CNTNAP4: variants seen among roughly 807,000 people sequenced by gnomAD.
CNTNAP4 encodes contactin-associated protein-like 4.
A neutral mutation model predicts 148.4 loss-of-function variants in CNTNAP4; 98 were observed. The observed-to-expected ratio is 0.66, with a 90% CI of 0.56 to 0.78. CNTNAP4 has a LOEUF of 0.78. Ranked by LOEUF, CNTNAP4 falls within the 30% of genes least tolerant of loss-of-function variation. The pLI, the probability that CNTNAP4 is intolerant of heterozygous loss-of-function variation, is 0.00. For missense variants in CNTNAP4, 1,935 were observed against 1,565.6 expected, an observed-to-expected ratio of 1.24 and a Z score of -3.98; for synonymous variants, 730 against 565.1, an observed-to-expected ratio of 1.29 and a Z score of -4.14.
At chr16:76,472,799 C>T (rs8062098) in intron 10 of CNTNAP4, among the ~76,000 whole-genome samples, 136,468 of 152,090 alleles carry the variant, frequency 0.9, 62,911 homozygotes, top group South Asian at 1. Flanking sequence ...CTGGGACTTA[C>T]TGGAGGTTGG....
chr16:76,349,871 C>G (rs1014340628), intron 2 of CNTNAP4, among the ~76,000 whole-genome samples: 3 of 151,872 alleles, frequency 2.0e-5, no homozygotes, highest in Non-Finnish European at 2.9e-5. Flanking sequence ...AAAGTTGATA[C>G]GTCGCCTTTA....
At chr16:76,354,913 C>G (rs2012375010) in intron 2 of CNTNAP4, among the ~76,000 whole-genome samples, 1 of 152,194 alleles carries the variant, frequency 6.6e-6, no homozygotes, top group Non-Finnish European at 1.5e-5. Context: ...TCCACCACAG[C>G]TTTAGTTCCT....
intron 1 of CNTNAP4, among the ~76,000 whole-genome samples, chr16:76,287,382 C>G (rs765656048): frequency 1.3e-5 from 2 of 152,148 alleles, no homozygotes; most frequent in African/African-American, 2.4e-5. Flanking sequence ...CAGCCTGATT[C>G]ATTTTTTTAA....
At position 76,316,524 on chromosome 16, in the gene CNTNAP4, G is replaced by C; in HGVS notation, c.196+1G>C. On this transcript the variant is annotated splice_donor_variant, in intron 2 of 23. Coordinates refer to ENST00000611870, the MANE Select transcript of CNTNAP4 (RefSeq NM_033401.5). LOFTEE classifies it high-confidence loss of function. ...TTTGCAAGGCTGAATAGAAGAGATGGTAAGTCTGCTTTTCTCCTCTGACTG... is the reference window on the plus strand; with the variant it reads ...TTTGCAAGGCTGAATAGAAGAGATGCTAAGTCTGCTTTTCTCCTCTGACTG... 1 of 1,600,292 alleles carries C rather than the reference G, an allele frequency of 6.2e-7. No homozygotes were observed. The highest frequency in any genetic ancestry group is 1.1e-5 in the South Asian group (1 of 90,760).
intron 8 of CNTNAP4, among the ~76,000 whole-genome samples, chr16:76,454,350 G>A (rs7204642): frequency 0.48 from 73,308 of 151,818 alleles, 17,776 homozygotes; most frequent in African/African-American, 0.54. Flanking sequence ...ATTTCTAACC[G>A]CTTTACAAGC....
intron 21 of CNTNAP4, among the ~76,000 whole-genome samples, chr16:76,550,133 C>G: frequency 6.9e-6 from 1 of 145,542 alleles, no homozygotes; most frequent in South Asian, 2.1e-4. Flanking sequence ...AAATGTCACC[C>G]TTAAAATAAA....
intron 12 of CNTNAP4, among the ~76,000 whole-genome samples, chr16:76,483,817 T>G (rs1476781341): frequency 6.6e-6 from 1 of 152,210 alleles, no homozygotes; most frequent in Non-Finnish European, 1.5e-5. Context: ...GCTCTGTTTG[T>G]GTTCACAAAT....
At chr16:76,355,241 T>A in intron 2 of CNTNAP4, 77 bp from the exon 3 acceptor site, 1 of 1,091,808 alleles carries the variant, frequency 9.2e-7, no homozygotes, top group East Asian at 2.7e-5. Context: ...ACAGTCGTAC[T>A]GGCATTTCTT....
chr16:76,403,134 C>T (rs958117842), intron 3 of CNTNAP4, among the ~76,000 whole-genome samples: 9 of 151,116 alleles, frequency 6.0e-5, no homozygotes, highest in Admixed American at 2.0e-4. Flanking sequence ...GCTCTGTCTC[C>T]GGGGCTGGAG....
At chr16:76,299,537 A>G (rs1025451472) in intron 1 of CNTNAP4, among the ~76,000 whole-genome samples, 45 of 152,126 alleles carry the variant, frequency 3.0e-4, no homozygotes, top group African/African-American at 1.1e-3. Flanking sequence ...ACACTTTTAC[A>G]CTGTTGGTGG....
intron 4 of CNTNAP4, among the ~76,000 whole-genome samples, chr16:76,431,184 T>A (rs1433802420): frequency 6.6e-6 from 1 of 152,126 alleles, no homozygotes; most frequent in Non-Finnish European, 1.5e-5. Flanking sequence ...GAAAGGATGG[T>A]CCAAATAGGA....
intron 3 of CNTNAP4, among the ~76,000 whole-genome samples, chr16:76,411,032 G>T (rs1459564939): frequency 6.6e-6 from 1 of 151,266 alleles, no homozygotes; most frequent in African/African-American, 2.4e-5. Flanking sequence ...ATACATTAAT[G>T]TACATCCATA....
intron 8 of CNTNAP4, among the ~76,000 whole-genome samples, chr16:76,454,111 C>CTTTTTT (rs11302612): frequency 1.5e-5 from 2 of 130,096 alleles, no homozygotes; most frequent in African/African-American, 2.8e-5. Flanking sequence ...CTATTTCTTT[C>CTTTTTT]TTTTTTTTTT....
At chr16:76,462,734 A>AT (rs773808022) in intron 9 of CNTNAP4, among the ~76,000 whole-genome samples, 117 of 152,316 alleles carry the variant, frequency 7.7e-4, no homozygotes, top group Non-Finnish European at 1.2e-3. Context: ...ATGGAAATGA[A>AT]TTTTTTATCA....
chr16:76,549,229 T>C (rs2084862672), intron 21 of CNTNAP4, among the ~76,000 whole-genome samples: 1 of 152,182 alleles, frequency 6.6e-6, no homozygotes. Flanking sequence ...CTGGGCCCCA[T>C]GGGGAAAGAT....
chr16:76,501,043 C>G (rs2082619003), intron 15 of CNTNAP4, among the ~76,000 whole-genome samples: 2 of 152,086 alleles, frequency 1.3e-5, no homozygotes, highest in South Asian at 4.1e-4. Context: ...GCAGAAGTTG[C>G]TTAGTTAAAA....
chr16:76,514,609 T>C (rs1054666847), intron 15 of CNTNAP4, among the ~76,000 whole-genome samples: 3 of 152,154 alleles, frequency 2.0e-5, no homozygotes, highest in African/African-American at 7.2e-5. Context: ...TATGGAAACA[T>C]CTATGAACAG....
chr16:76,329,527 A>G (rs867652174), intron 2 of CNTNAP4, among the ~76,000 whole-genome samples: 1 of 152,202 alleles, frequency 6.6e-6, no homozygotes, highest in Admixed American at 6.5e-5. Context: ...GAGAAAAGCC[A>G]TAGAAAAAAT....
At chr16:76,466,787 T>C (rs888466828) in intron 9 of CNTNAP4, among the ~76,000 whole-genome samples, 1 of 152,120 alleles carries the variant, frequency 6.6e-6, no homozygotes, top group African/African-American at 2.4e-5. Context: ...TATTAAGCCA[T>C]CAAGACTTAC....
Sources: allele counts gnomAD v4.1 joint callset (sites outside exome capture counted in the v4.1 genomes callset), GRCh38; gene constraint gnomAD v4.1.1; transcripts MANE v1.5; gene names NCBI Gene and HGNC (gene_info 2026-07-23, HGNC 2026-07-21).